CDR2L: variants seen among roughly 807,000 people sequenced by gnomAD.
The protein encoded by CDR2L is cerebellar degeneration-related protein 2-like.
In CDR2L, 19 loss-of-function variants were observed where a neutral mutation model predicts 36.1. The ratio of observed to expected loss-of-function variants is 0.53; its 90% CI spans 0.37 to 0.77. The LOEUF (loss-of-function observed/expected upper bound fraction) is 0.77, where lower values mean the gene tolerates loss of function less well. CDR2L is among the 30% of genes least tolerant of loss of function. The pLI is 0.00. For missense variants in CDR2L, 575 were observed against 627.2 expected (o/e 0.92, Z 0.89); for synonymous variants, 285 against 280.4 (o/e 1.02, Z -0.16).
At chr17:74,991,885 G>T (rs1002291858) in intron 1 of CDR2L, among the ~76,000 whole-genome samples, 1 of 152,068 alleles carries the variant, frequency 6.6e-6, no homozygotes, top group African/African-American at 2.4e-5. Context: ...CTTGGTACCC[G>T]TGCTGTCCCC....
At chr17:74,993,902 C>T (rs965576575) in intron 1 of CDR2L, among the ~76,000 whole-genome samples, 1 of 152,198 alleles carries the variant, frequency 6.6e-6, no homozygotes, top group Non-Finnish European at 1.5e-5. Context: ...GATCAGACTC[C>T]GGATTTGTTC....
rs770482286 is a variant in CDR2L at position 74,999,520 on chromosome 17, G to A, written c.96G>A (p.Ala32=). The change falls in exon 2 of 5, where the codon GCG becomes GCA. Residue 32 remains alanine, a synonymous_variant. Coordinates refer to ENST00000337231, the MANE Select transcript of CDR2L (RefSeq NM_014603.3). ...QDLEQDLHLA[A]ELGKTLLERN... ...CTATCCTAGACTTGCACCTAGCTGC[G>A]GAGCTGGGGAAGACTCTGCTGGAGA... 27 of 1,577,576 alleles carry A rather than the reference G, an allele frequency of 1.7e-5. No homozygotes were observed. In the South Asian group the frequency reaches 2.2e-4, roughly 13 times the overall value.
intron 1 of CDR2L, among the ~76,000 whole-genome samples, chr17:74,994,300 A>G (rs2039812805): frequency 6.6e-6 from 1 of 152,198 alleles, no homozygotes; most frequent in Non-Finnish European, 1.5e-5. Context: ...CCTGAACCAC[A>G]TCATATTGGC....
At chr17:75,000,037 G>A (rs1029080267) in intron 2 of CDR2L, among the ~76,000 whole-genome samples, 2 of 152,122 alleles carry the variant, frequency 1.3e-5, no homozygotes, top group Non-Finnish European at 2.9e-5. Context: ...GCTCATGCTT[G>A]TAATCCCAGC....
chr17:74,996,194 A>G (rs2039824401), intron 1 of CDR2L, among the ~76,000 whole-genome samples: 1 of 152,154 alleles, frequency 6.6e-6, no homozygotes, highest in Non-Finnish European at 1.5e-5. Flanking sequence ...CTGTAATTCC[A>G]GCACTTTGGG....
In CDR2L at chr17:74,997,032, T is replaced by TTTTCTTTC. The variant is rs1157949627; in HGVS notation, c.80-2424_80-2417dup. The stretch of plus-strand genomic sequence containing the variant: ...CCTCTCAGCAAGCTCCTATTCACCC[T>TTTTCTTTC]TTTCTTTCTTTCTTTCTTTCTTTCT... On this transcript the variant is annotated intron_variant, in intron 1 of 4. Transcript: ENST00000337231. Among the ~76,000 whole-genome samples the TTTTCTTTC allele has an allele frequency of 4.4e-3, 612 of 137,548 alleles. 21 individuals carry two copies. The highest frequency in any genetic ancestry group is 0.016 in the African/African-American group (583 of 35,354). 90.2% of individuals were successfully genotyped at this position (137,548 alleles called of 152,430 possible).
intron 1 of CDR2L, among the ~76,000 whole-genome samples, chr17:74,995,533 G>T (rs1314329618): frequency 6.6e-6 from 1 of 151,822 alleles, no homozygotes; most frequent in Non-Finnish European, 1.5e-5. Context: ...TTGAGACAGG[G>T]TCTCTCTCTG....
chr17:75,003,144 C>A (rs1393225571), intron 4 of CDR2L, 39 bp from the exon 5 acceptor site: 10 of 1,546,982 alleles, frequency 6.5e-6, no homozygotes, highest in African/African-American at 1.4e-5. Context: ...CTGCCCTCTC[C>A]TCCGCCCCCA....
In CDR2L at chr17:75,002,605, A is replaced by T. The variant is rs2039873783; in HGVS notation, c.506+377A>T. 6.6e-6 allele frequency among the ~76,000 whole-genome samples: 1 copy of T among 152,214 alleles called. No individual in the cohort carries two copies. Among genetic ancestry groups the T allele is most frequent in the African/African-American group, 2.4e-5 (1 of 41,446 alleles). ...AAATCTAACACTAGACAACCACTTA[A>T]TAATGGAAAAATACATGTGTCATAT... On this transcript the variant is annotated intron_variant, in intron 4 of 4. Transcript: ENST00000337231. The surrounding 1 kb of genome is among the most constrained non-coding windows in gnomAD (Gnocchi z 4.1).
Position 75,003,887 on chromosome 17 carries a change from G to C in CDR2L, c.1211G>C (p.Gly404Ala), listed in dbSNP as rs770284429. The C allele has an allele frequency of 6.2e-7, 1 of 1,605,622 alleles. No individual in the cohort carries two copies. Among genetic ancestry groups the C allele is most frequent in the South Asian group, 1.1e-5 (1 of 89,392 alleles). The change falls in exon 5 of 5, where the codon GGT (glycine) becomes GCT (alanine). Residue 404 changes from glycine (G) to alanine (A), a missense_variant. By Grantham distance (60) the Gly-to-Ala change is moderately conservative. Coordinates refer to ENST00000337231, the MANE Select transcript of CDR2L (RefSeq NM_014603.3). Reference sequence around the variant, plus strand: ...AGCTCGTGGAGGGACCTGCGCGGGGGTGAGGAGGGCCAGGGTGAGGTCAAG... The same window carrying C: ...AGCTCGTGGAGGGACCTGCGCGGGGCTGAGGAGGGCCAGGGTGAGGTCAAG... ...RDSSWRDLRG[G>A]EEGQGEVKAG...
Position 75,004,165 on chromosome 17 carries a change from A to C in CDR2L, c.*91A>C, listed in dbSNP as rs927941091. On this transcript the variant is annotated 3_prime_UTR_variant, in exon 5 of 5. Transcript: ENST00000337231. The stretch of plus-strand genomic sequence containing the variant: ...AGCTTCCAGAGAGCGAGCGCCCTTT[A>C]GCGGCCTGCCACCACAGCACGCGGC... 1.7e-6 allele frequency: 2 copies of C among 1,165,148 alleles called. No homozygotes were observed. The highest frequency in any genetic ancestry group is 3.1e-5 in the African/African-American group (2 of 63,884). The allele number at this position is 1,165,148 out of a possible 1,614,324, so 72.2% of individuals were successfully genotyped here.
rs897082066 is a variant in CDR2L, at chr17:74,987,645, G to C, written c.-399G>C. The C allele has an allele frequency of 3.9e-5, 6 of 153,940 alleles. No individual in the cohort carries two copies. The highest frequency in any genetic ancestry group is 2.6e-4 in the Admixed American group (4 of 15,296). 9.5% of individuals were successfully genotyped at this position (153,940 alleles called of 1,614,324 possible). On this transcript the variant is annotated 5_prime_UTR_variant, in exon 1 of 5. Coordinates refer to ENST00000337231, the MANE Select transcript of CDR2L (RefSeq NM_014603.3). The stretch of plus-strand genomic sequence containing the variant: ...GCGGGCTCCGCCAAGATGCAGCGGC[G>C]GCTCCGGTTGTCGCCGGGCGGGCCA...
chr17:75,003,070 C>T (rs2039876445), intron 4 of CDR2L, 113 bp from the exon 5 acceptor site: 6 of 1,131,750 alleles, frequency 5.3e-6, no homozygotes, highest in Middle Eastern at 2.9e-4. Flanking sequence ...AATTTCAGCC[C>T]AGAGAACAAG....
At chr17:74,999,813 T>G (rs568740349) in intron 2 of CDR2L, among the ~76,000 whole-genome samples, 197 bp downstream of exon 2, 70 of 152,224 alleles carry the variant, frequency 4.6e-4, no homozygotes, top group African/African-American at 1.6e-3. Context: ...CTAGATTTTT[T>G]TTTTTTTTAA....
At position 75,004,157 on chromosome 17, in the gene CDR2L, C is replaced by A. The variant is rs921376106; in HGVS notation, c.*83C>A. ...GGCGGTGCAGCTTCCAGAGAGCGAG[C>A]GCCCTTTAGCGGCCTGCCACCACAG... is the stretch of plus-strand genomic sequence containing the variant. On this transcript the variant is annotated 3_prime_UTR_variant, in exon 5 of 5. Coordinates refer to ENST00000337231, the MANE Select transcript of CDR2L (RefSeq NM_014603.3). 1.5e-5 allele frequency: 18 copies of A among 1,225,394 alleles called. No individual in the cohort carries two copies. The highest frequency in any genetic ancestry group is 1.9e-5 in the Non-Finnish European group (17 of 891,280). 75.9% of individuals were successfully genotyped at this position (1,225,394 alleles called of 1,614,324 possible).
At chr17:74,997,722 A>C (rs1276718067) in intron 1 of CDR2L, among the ~76,000 whole-genome samples, 3 of 151,936 alleles carry the variant, frequency 2.0e-5, no homozygotes, top group African/African-American at 7.3e-5. Flanking sequence ...CCCTGTCTCT[A>C]CAAAAAAAAT....
chr17:74,987,958 C>T lies in CDR2L; in HGVS notation c.-86C>T. 2 of 680,354 alleles carry T rather than the reference C, an allele frequency of 2.9e-6. No homozygotes were observed. Among genetic ancestry groups the T allele is most frequent in the Non-Finnish European group, 4.2e-6 (2 of 480,342 alleles). The allele number at this position is 680,354 out of a possible 1,614,324, so 42.1% of individuals were successfully genotyped here. The stretch of plus-strand genomic sequence containing the variant: ...GCCCGAGTTCCCGACGCTGGAGGCC[C>T]GGCCCGCCTCAGCCGCATTGTCCCG... On this transcript the variant is annotated 5_prime_UTR_variant, in exon 1 of 5. Coordinates refer to ENST00000337231, the MANE Select transcript of CDR2L (RefSeq NM_014603.3).
At chr17:74,993,211 G>T (rs936844871) in intron 1 of CDR2L, among the ~76,000 whole-genome samples, 1 of 152,130 alleles carries the variant, frequency 6.6e-6, no homozygotes, top group African/African-American at 2.4e-5. Flanking sequence ...CAAACTGAAG[G>T]TGATCTTGCC....
chr17:75,002,327 T>C lies in CDR2L; in HGVS notation c.506+99T>C, dbSNP rs2039872461. 1 of 1,056,496 alleles carries C rather than the reference T, an allele frequency of 9.5e-7. No individual in the cohort carries two copies. The highest frequency in any genetic ancestry group is 1.4e-6 in the Non-Finnish European group (1 of 727,008). 65.4% of individuals were successfully genotyped at this position (1,056,496 alleles called of 1,614,324 possible). On this transcript the variant is annotated intron_variant, in intron 4 of 4. Transcript: ENST00000337231. This position sits in a 1 kb window ranked among gnomAD's most constrained non-coding sequence, Gnocchi z 4.1. ...TGCAGTTGGTGCATCATCCAGGCCA[T>C]CAGAGAGACTGGTCCTGTTGCTAAT...
Sources: gnomAD v4.1 joint callset for allele counts (sites outside exome capture counted in the v4.1 genomes callset) on GRCh38, gnomAD v4.1.1 for gene constraint, Gnocchi (gnomAD v3.1) non-coding constraint, MANE v1.5 for transcripts, NCBI Gene and HGNC (gene_info 2026-07-23, HGNC 2026-07-21) for gene names.